Variants in VAMP1 observed in about 807,000 individuals in gnomAD.
VAMP1 encodes vesicle-associated membrane protein 1.
A neutral mutation model predicts 19.1 loss-of-function variants in VAMP1; 16 were observed. That is an observed-to-expected ratio of 0.84 (90% CI 0.57 to 1.27). VAMP1 has a LOEUF of 1.27. Among genes scored for constraint, VAMP1 ranks in the 50% most tolerant of loss-of-function variants. VAMP1 has a pLI of 0.00. For missense variants in VAMP1, 109 were observed against 145.4 expected, an observed-to-expected ratio of 0.75 and a Z score of 1.29; for synonymous variants, 37 against 50.2, an observed-to-expected ratio of 0.74 and a Z score of 1.11.
At chr12:6,464,691 T>C in intron 4 of VAMP1, 199 bp downstream of exon 4, 2 of 1,496,518 alleles carry the variant, frequency 1.3e-6, no homozygotes, top group Non-Finnish European at 1.8e-6. Flanking sequence ...CTGCAATGCG[T>C]TGCAGGGGGA....
chr12:6,465,410 A>G (rs1208167035), intron 3 of VAMP1: 1 of 73,324 alleles, frequency 1.4e-5, no homozygotes, highest in Non-Finnish European at 3.0e-5. Context: ...AAATGTATAT[A>G]TATGTATATA....
Position 6,463,365 on chromosome 12 carries a change from C to A in VAMP1, c.*1105G>T. ...TGGGTCTACATGACTTCTCTGCATC[C>A]TGAGGATCGGCCGGGCCCCAGGAAG... On this transcript the variant is annotated 3_prime_UTR_variant, in exon 5 of 5. Coordinates refer to ENST00000396308, the MANE Select transcript of VAMP1 (RefSeq NM_014231.5). The surrounding 1 kb of genome is among the most constrained non-coding windows in gnomAD (Gnocchi z 4.0). 2 of 1,097,190 alleles carry A rather than the reference C, an allele frequency of 1.8e-6. No individual in the cohort carries two copies. Among genetic ancestry groups the A allele is most frequent in the Non-Finnish European group, 2.2e-6 (2 of 897,564 alleles). The allele number at this position is 1,097,190 out of a possible 1,614,324, so 68.0% of individuals were successfully genotyped here.
In VAMP1 at chr12:6,463,359, T is replaced by G; in HGVS notation, c.*1111A>C. 9.0e-7 allele frequency: 1 copy of G among 1,106,468 alleles called. No individual in the cohort carries two copies. Among genetic ancestry groups the G allele is most frequent in the Non-Finnish European group, 1.1e-6 (1 of 903,062 alleles). 68.5% of individuals were successfully genotyped at this position (1,106,468 alleles called of 1,614,324 possible). On this transcript the variant is annotated 3_prime_UTR_variant, in exon 5 of 5. Coordinates refer to ENST00000396308, the MANE Select transcript of VAMP1 (RefSeq NM_014231.5). This position sits in a 1 kb window ranked among gnomAD's most constrained non-coding sequence, Gnocchi z 4.0. ...GGCTGGTGGGTCTACATGACTTCTCTGCATCCTGAGGATCGGCCGGGCCCC... is the reference window on the plus strand; with the variant it reads ...GGCTGGTGGGTCTACATGACTTCTCGGCATCCTGAGGATCGGCCGGGCCCC...
rs1269802028 is a variant in VAMP1 at position 6,462,630 on chromosome 12, G to A, written c.*1840C>T. ...CAACTACACCTGGTGAGCCTCAGAG[G>A]GACAGAAACCCAGGAATGATTCCTG... On this transcript the variant is annotated 3_prime_UTR_variant, in exon 5 of 5. Coordinates refer to ENST00000396308, the MANE Select transcript of VAMP1 (RefSeq NM_014231.5). 3.1e-6 allele frequency: 2 copies of A among 649,834 alleles called. No individual in the cohort carries two copies. The highest frequency in any genetic ancestry group is 3.1e-5 in the Admixed American group (1 of 32,770). The allele number at this position is 649,834 out of a possible 1,614,324, so 40.3% of individuals were successfully genotyped here.
At chr12:6,469,284 G>A (rs528822484) in intron 1 of VAMP1, among the ~76,000 whole-genome samples, 1 of 152,264 alleles carries the variant, frequency 6.6e-6, no homozygotes, top group African/African-American at 2.4e-5. Flanking sequence ...AGCCAGTGTT[G>A]GAAGCAGTCC....
Position 6,464,457 on chromosome 12 carries a change from G to T in VAMP1, c.*13C>A. ...TGGATGGCAATGGACAACAGGGAAG[G>T]GGTGGTACATTCTCAAGTAAAAAAG... On this transcript the variant is annotated 3_prime_UTR_variant, in exon 5 of 5. Transcript: ENST00000396308. 6.4e-7 allele frequency: 1 copy of T among 1,560,296 alleles called. No homozygotes were observed. The highest frequency in any genetic ancestry group is 1.9e-5 in the Admixed American group (1 of 52,446).
chr12:6,462,814 C>T lies in VAMP1; in HGVS notation c.*1656G>A, dbSNP rs780974310. On this transcript the variant is annotated 3_prime_UTR_variant, in exon 5 of 5. Coordinates refer to ENST00000396308, the MANE Select transcript of VAMP1 (RefSeq NM_014231.5). ...AGGGGGGCCGTTGGGAGGGTACTGA[C>T]TGCTTTCTTCCAGCTCTTCAGTCCC... The T allele has an allele frequency of 6.2e-7, 1 of 1,602,908 alleles. No individual in the cohort carries two copies. Among genetic ancestry groups the T allele is most frequent in the Non-Finnish European group, 8.5e-7 (1 of 1,174,108 alleles).
Position 6,465,373 on chromosome 12 carries a change from A to AATGTATATATATGTATATATATATATAC in VAMP1, c.289-433_289-432insGTATATATATATATACATATATATACAT, listed in dbSNP as rs1949982328. ...AAAGAAAAAAGTATATATATATATA[A>AATGTATATATATGTATATATATATATAC]ATGTATATATATGTATATATATATA... On this transcript the variant is annotated intron_variant, in intron 3 of 4. Coordinates refer to ENST00000396308, the MANE Select transcript of VAMP1 (RefSeq NM_014231.5). The AATGTATATATATGTATATATATATATAC allele has an allele frequency of 2.9e-5, 3 of 104,188 alleles. No homozygotes were observed. The East Asian group carries it at 7.5e-4, about 26-fold the overall frequency. The allele number at this position is 104,188 out of a possible 1,614,324, so 6.5% of individuals were successfully genotyped here.
At position 6,464,653 on chromosome 12, in the gene VAMP1, C is replaced by G. The variant is rs1313363295; in HGVS notation, c.341-167G>C. Reference sequence around the variant, plus strand: ...GCCAGTGACACACAGCATAGCCCCACTTCCTCAGAACAGGAGGCGCCATCT... The same window carrying G: ...GCCAGTGACACACAGCATAGCCCCAGTTCCTCAGAACAGGAGGCGCCATCT... On this transcript the variant is annotated intron_variant, in intron 4 of 4. Transcript: ENST00000396308. 2.1e-6 allele frequency: 3 copies of G among 1,458,984 alleles called. No homozygotes were observed. The South Asian group carries it at 4.4e-5, about 21-fold the overall frequency. The allele number at this position is 1,458,984 out of a possible 1,614,324, so 90.4% of individuals were successfully genotyped here.
In VAMP1 at chr12:6,466,206, G is replaced by A. The variant is rs140740293; in HGVS notation, c.129+19C>T. 64 of 1,614,112 alleles carry A rather than the reference G, an allele frequency of 4.0e-5. No individual in the cohort carries two copies. The African/African-American group carries it at 7.3e-4, about 18-fold the overall frequency. On this transcript the variant is annotated intron_variant, in intron 2 of 4. Transcript: ENST00000396308. ...ACTCCTAGATTTGGAAACTTTCAGA[G>A]AAACAGCTATCTACCTACCTCCTCC...
At position 6,465,810 on chromosome 12, in the gene VAMP1, GA is replaced by G. The variant is rs1476215642; in HGVS notation, c.288+31del. 3 of 1,611,244 alleles carry G rather than the reference GA, an allele frequency of 1.9e-6. No homozygotes were observed. In the African/African-American group the frequency reaches 4.0e-5, roughly 22 times the overall value. ...TTGCCTTCTACCAGTGGAAGCCCAG[GA>G]AAAGATGGAGGAGGGGACAAGAAAA... is the stretch of plus-strand genomic sequence containing the variant. On this transcript the variant is annotated intron_variant, in intron 3 of 4. Coordinates refer to ENST00000396308, the MANE Select transcript of VAMP1 (RefSeq NM_014231.5).
At chr12:6,469,371 C>T (rs570421031) in intron 1 of VAMP1, among the ~76,000 whole-genome samples, 1 of 152,326 alleles carries the variant, frequency 6.6e-6, no homozygotes, top group Admixed American at 6.5e-5. Context: ...TTTTCTGTTG[C>T]CTTCTGTTCA....
chr12:6,462,525 G>A lies in VAMP1; in HGVS notation c.*1945C>T. The A allele has an allele frequency of 2.0e-6, 1 of 506,002 alleles. No individual in the cohort carries two copies. Among genetic ancestry groups the A allele is most frequent in the Non-Finnish European group, 3.5e-6 (1 of 285,574 alleles). 31.3% of individuals were successfully genotyped at this position (506,002 alleles called of 1,614,324 possible). ...GCACATGGGTGGTGGGAGGAAAGGG[G>A]GATAGCAGAGACACACAGAAGAGGG... On this transcript the variant is annotated 3_prime_UTR_variant, in exon 5 of 5. Transcript: ENST00000396308.
chr12:6,462,947 C>T lies in VAMP1; in HGVS notation c.*1523G>A, dbSNP rs1432027319. ...ATGGAAAGTGGGCATCCAGACCCTG[C>T]CCAGCATGGCCTCAGCCTCTTCCTG... is the stretch of plus-strand genomic sequence containing the variant. On this transcript the variant is annotated 3_prime_UTR_variant, in exon 5 of 5. Transcript: ENST00000396308. 6.4e-6 allele frequency: 10 copies of T among 1,554,578 alleles called. No individual in the cohort carries two copies. The African/African-American group carries it at 1.2e-4, about 19-fold the overall frequency.
intron 3 of VAMP1, chr12:6,465,414 G>GTATATATATGTA (rs1565526261): frequency 5.1e-5 from 2 of 39,306 alleles, no homozygotes; most frequent in Non-Finnish European, 1.1e-4. Context: ...GTATATATAT[G>GTATATATATGTA]TATATATATA....
chr12:6,469,471 T>C (rs147277928), intron 1 of VAMP1, among the ~76,000 whole-genome samples: 2 of 152,238 alleles, frequency 1.3e-5, no homozygotes, highest in Non-Finnish European at 2.9e-5. Flanking sequence ...AACACTCATA[T>C]CTGGTTAAAA....
At chr12:6,464,844 G>A (rs1237166842) in intron 4 of VAMP1, 46 bp downstream of exon 4, 1 of 1,613,148 alleles carries the variant, frequency 6.2e-7, no homozygotes, top group Admixed American at 1.7e-5. Flanking sequence ...AAGACTCCAG[G>A]ACCTTCCCAC....
At chr12:6,469,062 G>A (rs1274263872) in intron 1 of VAMP1, among the ~76,000 whole-genome samples, 1 of 152,190 alleles carries the variant, frequency 6.6e-6, no homozygotes, top group East Asian at 1.9e-4. Context: ...TAAAAAGATA[G>A]AGAATAACTC....
At chr12:6,469,928 G>A (rs1047332555) in intron 1 of VAMP1, among the ~76,000 whole-genome samples, 1 of 152,148 alleles carries the variant, frequency 6.6e-6, no homozygotes, top group Non-Finnish European at 1.5e-5. Context: ...ATGAACAGCC[G>A]CTTGGGATGA....
Sources: allele counts gnomAD v4.1 joint callset (sites outside exome capture counted in the v4.1 genomes callset), GRCh38; gene constraint gnomAD v4.1.1; non-coding constraint Gnocchi (gnomAD v3.1); transcripts MANE v1.5; gene names NCBI Gene and HGNC (gene_info 2026-07-23, HGNC 2026-07-21).